The following NTM variants were observed in gnomAD, a reference collection of about 807,000 sequenced individuals.
The protein encoded by NTM is neurotrimin, also known as IgLON family member 2.
Under a neutral mutation model 42.1 loss-of-function variants are expected in NTM, and 13 were observed. The ratio of observed to expected loss-of-function variants is 0.31; its 90% CI spans 0.20 to 0.49. NTM has a LOEUF of 0.49. NTM is among the 20% of genes least tolerant of loss of function. The pLI is 0.99. For missense variants in NTM, 373 were observed against 452.8 expected, an observed-to-expected ratio of 0.82 and a Z score of 1.60; for synonymous variants, 187 against 179.2, an observed-to-expected ratio of 1.04 and a Z score of -0.35.
chr11:131,735,112 C>T (rs2080242010), intron 1 of NTM, among the ~76,000 whole-genome samples: 1 of 152,136 alleles, frequency 6.6e-6, no homozygotes, highest in Non-Finnish European at 1.5e-5. Flanking sequence ...TTTAGCTGAT[C>T]CTGCCAAAAA....
Position 131,370,693 on chromosome 11 carries a change from CAG to C in NTM, c.-113_-112del. The C allele has an allele frequency of 1.2e-6, 1 of 860,770 alleles. No homozygotes were observed. 53.3% of individuals were successfully genotyped at this position (860,770 alleles called of 1,614,324 possible). On this transcript the variant is annotated 5_prime_UTR_variant, in exon 1 of 9. An upstream open reading frame in the 5' UTR loses its in-frame stop. Transcript: ENST00000683400. ...TTTCTTGTTGTGTCCTTCAGCAAAA[CAG>C]TGGATTTAAATCTCCTTGCACAAGC...
chr11:131,965,593 T>C (rs1443874256), intron 2 of NTM, among the ~76,000 whole-genome samples: 1 of 152,224 alleles, frequency 6.6e-6, no homozygotes, highest in African/African-American at 2.4e-5. Context: ...GTCCTCATGC[T>C]AATGATGAAG....
chr11:131,948,364 C>CA (rs61645846), intron 2 of NTM, among the ~76,000 whole-genome samples: 7 of 92,740 alleles, frequency 7.5e-5, no homozygotes, highest in Non-Finnish European at 1.1e-4. Context: ...GACTCCATCT[C>CA]AAAAAAAACA....
At chr11:131,377,932 G>T (rs1428609412) in intron 1 of NTM, among the ~76,000 whole-genome samples, 2 of 152,172 alleles carry the variant, frequency 1.3e-5, no homozygotes, top group African/African-American at 2.4e-5. Flanking sequence ...AAGTCCAGTG[G>T]TCTAGACCAA....
chr11:131,415,222 T>C (rs1946820910), intron 1 of NTM, among the ~76,000 whole-genome samples: 1 of 152,226 alleles, frequency 6.6e-6, no homozygotes, highest in South Asian at 2.1e-4. Context: ...GTGGCACCTT[T>C]CTACAAAGAG....
chr11:131,582,491 A>G (rs1324257256), intron 1 of NTM: 1 of 152,122 alleles, frequency 6.6e-6, no homozygotes, highest in Non-Finnish European at 1.5e-5. Context: ...CTTTGGAGTT[A>G]AACTGCCTGC....
chr11:131,874,030 A>ATATATAT lies in NTM; in HGVS notation c.83-37534_83-37533insTATATAT, dbSNP rs1555162935. Among the ~76,000 whole-genome samples, 77 of 76,618 alleles carry ATATATAT rather than the reference A, an allele frequency of 1.0e-3. 6 individuals carry two copies. The highest frequency in any genetic ancestry group is 1.6e-3 in the Non-Finnish European group (55 of 34,148). The allele number at this position is 76,618 out of a possible 152,430, so 50.3% of individuals were successfully genotyped here. On this transcript the variant is annotated intron_variant, in intron 1 of 8. Transcript: ENST00000683400. ...ATAATATATTTATATAATATAATAT[A>ATATATAT]ATATATATATATATATATATATATA...
Position 132,036,158 on chromosome 11 carries a change from C to T in NTM, c.168-110124C>T, listed in dbSNP as rs578218725. Among the ~76,000 whole-genome samples the T allele has an allele frequency of 3.9e-5, 6 of 152,140 alleles. No homozygotes were observed. The South Asian group carries it at 1.0e-3, about 26-fold the overall frequency. ...AGGATATTTAGTTTCTTCTGCATGGCGTGTTAAATGGTGTACTAGGGAGGA... is the reference window on the plus strand; with the variant it reads ...AGGATATTTAGTTTCTTCTGCATGGTGTGTTAAATGGTGTACTAGGGAGGA... On this transcript the variant is annotated intron_variant, in intron 2 of 8. Coordinates refer to ENST00000683400, the MANE Select transcript of NTM (RefSeq NM_001352005.2).
intron 2 of NTM, among the ~76,000 whole-genome samples, chr11:132,115,866 C>T (rs886188677): frequency 1.3e-5 from 2 of 152,220 alleles, no homozygotes; most frequent in Non-Finnish European, 2.9e-5. Context: ...CTTTCATCAG[C>T]TCTCAACCTG....
chr11:131,805,362 C>T (rs1362325567), intron 1 of NTM, among the ~76,000 whole-genome samples: 3 of 152,166 alleles, frequency 2.0e-5, no homozygotes, highest in African/African-American at 4.8e-5. Flanking sequence ...CAAAGCTCAG[C>T]GTACATATCT....
chr11:132,016,172 G>T (rs76050939), intron 2 of NTM, among the ~76,000 whole-genome samples: 1,873 of 151,608 alleles, frequency 0.012, 46 homozygotes, highest in African/African-American at 0.043. Flanking sequence ...TGATCATATG[G>T]TTTTTGTTCT....
intron 2 of NTM, among the ~76,000 whole-genome samples, chr11:131,943,083 G>A (rs7945024): frequency 0.021 from 3,250 of 152,264 alleles, 114 homozygotes; most frequent in African/African-American, 0.074. Flanking sequence ...AGTGGAAGAG[G>A]CATCTGCAGC....
chr11:131,557,503 C>T (rs1405334264), intron 1 of NTM, among the ~76,000 whole-genome samples: 1 of 152,122 alleles, frequency 6.6e-6, no homozygotes, highest in Non-Finnish European at 1.5e-5. Context: ...ACATTAAGTG[C>T]CTATTAAGCG....
intron 1 of NTM, among the ~76,000 whole-genome samples, chr11:131,825,363 C>T (rs1278277076): frequency 6.7e-6 from 1 of 148,696 alleles, no homozygotes; most frequent in African/African-American, 2.5e-5. Context: ...GGGGTTAGGA[C>T]TTCAGCATAT....
intron 1 of NTM, among the ~76,000 whole-genome samples, chr11:131,529,416 A>T (rs2050938414): frequency 6.6e-6 from 1 of 152,210 alleles, no homozygotes; most frequent in African/African-American, 2.4e-5. Flanking sequence ...TGAGGGAAAA[A>T]TTAGACTCTC....
intron 1 of NTM, among the ~76,000 whole-genome samples, chr11:131,529,895 C>T (rs1373927177): frequency 6.6e-6 from 1 of 152,096 alleles, no homozygotes; most frequent in Non-Finnish European, 1.5e-5. Flanking sequence ...CTCAGCCACC[C>T]TCCCTCTCCC....
chr11:131,938,498 G>A (rs1051756030), intron 2 of NTM, among the ~76,000 whole-genome samples: 3 of 152,242 alleles, frequency 2.0e-5, no homozygotes, highest in African/African-American at 4.8e-5. Flanking sequence ...GGCAGGGACC[G>A]GCTTGTGCCA....
At chr11:131,721,904 C>T (rs979061262) in intron 1 of NTM, among the ~76,000 whole-genome samples, 1 of 142,446 alleles carries the variant, frequency 7.0e-6, no homozygotes, top group Non-Finnish European at 1.5e-5. Flanking sequence ...GAGACTGAGG[C>T]AGGAGAATTA....
chr11:131,493,432 G>A (rs1305744169), intron 1 of NTM, among the ~76,000 whole-genome samples: 1 of 152,166 alleles, frequency 6.6e-6, no homozygotes, highest in African/African-American at 2.4e-5. Flanking sequence ...GTTTTAAGGT[G>A]ACTGAGCAGG....
Sources: allele counts gnomAD v4.1 joint callset (sites outside exome capture counted in the v4.1 genomes callset), GRCh38; gene constraint gnomAD v4.1.1; transcripts MANE v1.5; gene names NCBI Gene and HGNC (gene_info 2026-07-23, HGNC 2026-07-21).